EBF1: variants seen among roughly 807,000 people sequenced by gnomAD.
EBF1 encodes the protein EBF transcription factor 1.
EBF1 carries 10 observed loss-of-function variants against 68.4 expected under a neutral mutation model. The ratio of observed to expected loss-of-function variants is 0.15; its 90% CI spans 0.09 to 0.25. EBF1 has a LOEUF of 0.25. Among genes scored for constraint, EBF1 ranks in the 10% least tolerant of loss-of-function variants. The pLI, the probability that EBF1 is intolerant of heterozygous loss-of-function variation, is 1.00. For synonymous variants in EBF1, 298 were observed against 299.8 expected (o/e 0.99, Z 0.06); for missense variants, 509 against 794.4 (o/e 0.64, Z 4.32).
chr5:158,954,290 A>G (rs998302919), intron 6 of EBF1, among the ~76,000 whole-genome samples: 19 of 152,242 alleles, frequency 1.2e-4, no homozygotes, highest in African/African-American at 4.6e-4. Context: ...GTATGGCAGT[A>G]GGCCGTTTAC....
At chr5:159,000,128 C>T (rs1180609615) in intron 6 of EBF1, among the ~76,000 whole-genome samples, 3 of 152,096 alleles carry the variant, frequency 2.0e-5, no homozygotes, top group Non-Finnish European at 2.9e-5. Flanking sequence ...CATGCCAAAC[C>T]GTACTCACTA....
intron 7 of EBF1, among the ~76,000 whole-genome samples, chr5:158,833,297 CAAAAAAA>C (rs56221213): frequency 7.4e-6 from 1 of 135,390 alleles, no homozygotes; most frequent in African/African-American, 2.8e-5. Context: ...GACTCCATCT[CAAAAAAA>C]AAAAAAAAGA....
intron 6 of EBF1, 151 bp from the exon 7 acceptor site, chr5:158,840,261 G>A (rs1789915650): frequency 1.6e-6 from 1 of 619,468 alleles, no homozygotes; most frequent in Non-Finnish European, 2.8e-6. Flanking sequence ...TTCATTTGTG[G>A]CTTTAGCCTT....
rs907577834 is a variant in EBF1, at chr5:158,909,048, C to T, written c.555-68938G>A. ...GTTGTGAAACACAAGCTGTGACCCC[C>T]GGGCTGGGAAGCCAGCAGGGAAAAA... On this transcript the variant is annotated intron_variant, in intron 6 of 15. Coordinates refer to ENST00000313708, the MANE Select transcript of EBF1 (RefSeq NM_024007.5). Among the ~76,000 whole-genome samples, 6 of 151,680 alleles carry T rather than the reference C, an allele frequency of 4.0e-5. No homozygotes were observed. The South Asian group carries it at 1.0e-3, about 26-fold the overall frequency.
At chr5:159,069,563 C>T (rs1777454849) in intron 6 of EBF1, among the ~76,000 whole-genome samples, 2 of 152,072 alleles carry the variant, frequency 1.3e-5, no homozygotes, top group South Asian at 4.2e-4. Flanking sequence ...TCATCCTAAC[C>T]AGATATGGAA....
intron 6 of EBF1, among the ~76,000 whole-genome samples, chr5:158,855,106 G>A (rs1241502820): frequency 2.6e-5 from 4 of 152,108 alleles, no homozygotes; most frequent in South Asian, 2.1e-4. Flanking sequence ...CCCCTGCAGC[G>A]AGTTAAAAGT....
intron 4 of EBF1, among the ~76,000 whole-genome samples, chr5:159,093,377 C>T (rs893918485): frequency 1.3e-4 from 20 of 152,172 alleles, no homozygotes; most frequent in African/African-American, 4.6e-4. Context: ...TCAGGCCACT[C>T]CCCACCAAAA....
intron 15 of EBF1, among the ~76,000 whole-genome samples, chr5:158,702,803 GGTAA>G (rs1757049123): frequency 6.7e-6 from 1 of 149,660 alleles, no homozygotes; most frequent in African/African-American, 2.5e-5. Context: ...GGAACAGGGG[GGTAA>G]GTGAGTGGGT....
At chr5:158,934,910 C>G (rs1472895055) in intron 6 of EBF1, among the ~76,000 whole-genome samples, 1 of 152,212 alleles carries the variant, frequency 6.6e-6, no homozygotes, top group East Asian at 1.9e-4. Flanking sequence ...CAGACATTAT[C>G]ATTATCCCCA....
chr5:159,076,807 T>C (rs1469060), intron 5 of EBF1, among the ~76,000 whole-genome samples: 36,484 of 152,058 alleles, frequency 0.24, 4,907 homozygotes, highest in Non-Finnish European at 0.31. Flanking sequence ...TAAATATATA[T>C]ATACACACAC....
intron 14 of EBF1, among the ~76,000 whole-genome samples, chr5:158,710,897 A>AAT: frequency 6.6e-6 from 1 of 152,234 alleles, no homozygotes; most frequent in Non-Finnish European, 1.5e-5. Flanking sequence ...TTTACACATC[A>AAT]GAAGAGTCAC....
At chr5:158,795,534 T>C (rs965608772) in intron 9 of EBF1, among the ~76,000 whole-genome samples, 1 of 152,132 alleles carries the variant, frequency 6.6e-6, no homozygotes, top group African/African-American at 2.4e-5. Flanking sequence ...AACCCTAACA[T>C]TGTTTTTATT....
At chr5:158,971,352 TG>T (rs980361989) in intron 6 of EBF1, among the ~76,000 whole-genome samples, 2 of 152,168 alleles carry the variant, frequency 1.3e-5, no homozygotes, top group African/African-American at 4.8e-5. Context: ...CAGTGAGTGA[TG>T]GTAAAAAGTC....
At chr5:159,026,191 C>A (rs529620454) in intron 6 of EBF1, among the ~76,000 whole-genome samples, 1 of 152,226 alleles carries the variant, frequency 6.6e-6, no homozygotes, top group East Asian at 1.9e-4. Context: ...CAGTCTTTGA[C>A]ATTCACAACC....
intron 10 of EBF1, among the ~76,000 whole-genome samples, chr5:158,751,811 A>T (rs543878278): frequency 6.6e-6 from 1 of 152,270 alleles, no homozygotes; most frequent in East Asian, 1.9e-4. Context: ...ATCAACTTAC[A>T]AATAAAGAAA....
intron 6 of EBF1, among the ~76,000 whole-genome samples, chr5:158,966,384 T>A (rs1754108283): frequency 6.6e-6 from 1 of 152,168 alleles, no homozygotes; most frequent in African/African-American, 2.4e-5. Context: ...TGATGATCAC[T>A]TTTTCACATA....
At chr5:158,847,593 C>T (rs766363045) in intron 6 of EBF1, among the ~76,000 whole-genome samples, 37 of 152,168 alleles carry the variant, frequency 2.4e-4, no homozygotes, top group African/African-American at 7.5e-4. Flanking sequence ...TTTATCCTCA[C>T]GGATGTTCTT....
Position 158,886,037 on chromosome 5 carries a change from A to C in EBF1, c.555-45927T>G, listed in dbSNP as rs142120449. 4.7e-4 allele frequency among the ~76,000 whole-genome samples: 72 copies of C among 152,334 alleles called. 1 individual carries two copies. The highest frequency in any genetic ancestry group is 1.7e-3 in the African/African-American group (70 of 41,578). On this transcript the variant is annotated intron_variant, in intron 6 of 15. Coordinates refer to ENST00000313708, the MANE Select transcript of EBF1 (RefSeq NM_024007.5). ...AGGAAAGGAGCCTGGCCTTGCTGGC[A>C]GTGCTGGGTGTGAATGGGAAGGTGT...
chr5:159,016,051 T>C (rs775072107), intron 6 of EBF1, among the ~76,000 whole-genome samples: 1 of 152,214 alleles, frequency 6.6e-6, no homozygotes, highest in African/African-American at 2.4e-5. Context: ...ATCCTTAGCA[T>C]GTCTGGAGGT....
Sources: allele counts gnomAD v4.1 joint callset (sites outside exome capture counted in the v4.1 genomes callset), GRCh38; gene constraint gnomAD v4.1.1; transcripts MANE v1.5; gene names NCBI Gene and HGNC (gene_info 2026-07-23, HGNC 2026-07-21).